Variants in NAA15 observed in about 807,000 individuals in gnomAD.
The protein encoded by NAA15 is N-alpha-acetyltransferase 15, NatA auxiliary subunit, also known as N-terminal acetyltransferase.
In NAA15, 34 loss-of-function variants were observed where a neutral mutation model predicts 114.0. That is an observed-to-expected ratio of 0.30 (90% CI 0.23 to 0.40). The LOEUF is 0.40. Among genes scored for constraint, NAA15 ranks in the 10% least tolerant of loss-of-function variants. The pLI, the probability that NAA15 is intolerant of heterozygous loss-of-function variation, is 1.00. For synonymous variants in NAA15, 340 were observed against 338.0 expected (o/e 1.01, Z -0.06); for missense variants, 658 against 1,004.5 (o/e 0.66, Z 4.66).
At chr4:139,342,227 T>C (rs1747426446) in intron 4 of NAA15, among the ~76,000 whole-genome samples, 1 of 152,196 alleles carries the variant, frequency 6.6e-6, no homozygotes, top group Non-Finnish European at 1.5e-5. Flanking sequence ...CTTTCCATCC[T>C]GCCTCTTTTC....
At chr4:139,345,401 G>A (rs1036588661) in intron 6 of NAA15, among the ~76,000 whole-genome samples, 6 of 152,152 alleles carry the variant, frequency 3.9e-5, no homozygotes, top group Admixed American at 6.6e-5. Context: ...ACAGAGTCAA[G>A]GCTTGGGCCT....
intron 6 of NAA15, among the ~76,000 whole-genome samples, chr4:139,346,015 C>T (rs79259302): frequency 0.062 from 9,496 of 151,936 alleles, 978 homozygotes; most frequent in African/African-American, 0.22. Flanking sequence ...AATGGGGTGC[C>T]GGTAGGTGAA....
chr4:139,336,872 C>T lies in NAA15; in HGVS notation c.164C>T (p.Thr55Ile). ...HGETLAMKGL[T>I]LNCLGKKEEA... ...GAAACCTTGGCTATGAAAGGATTAA[C>T]ATTGAACTGTTTGGGGAAAAAGGAA... Residue 55 changes from threonine to isoleucine, a missense_variant, in exon 3 of 20, where the codon ACA becomes ATA. Thr to Ile is a moderately conservative substitution (Grantham distance 89, BLOSUM62 -1). Around this residue, in one of 6 missense-constraint regions of NAA15, gnomAD observed 75 missense variants for 172.3 expected, o/e 0.44. Transcript: ENST00000296543. The T allele has an allele frequency of 6.3e-7, 1 of 1,592,052 alleles. No individual in the cohort carries two copies. Among genetic ancestry groups the T allele is most frequent in the Non-Finnish European group, 8.6e-7 (1 of 1,169,132 alleles).
At position 139,351,032 on chromosome 4, in the gene NAA15, G is replaced by C. The variant is rs1747763017; in HGVS notation, c.812-159G>C. 2.6e-5 allele frequency among the ~76,000 whole-genome samples: 4 copies of C among 152,096 alleles called. No homozygotes were observed. The South Asian group carries it at 8.3e-4, about 32-fold the overall frequency. ...AGATAAAAAAAATTGAAAAGAAATAGTCTAAAATAATTGTTGAAATAGTAG... is the reference window on the plus strand; with the variant it reads ...AGATAAAAAAAATTGAAAAGAAATACTCTAAAATAATTGTTGAAATAGTAG... On this transcript the variant is annotated intron_variant, in intron 7 of 19. Coordinates refer to ENST00000296543, the MANE Select transcript of NAA15 (RefSeq NM_057175.5).
chr4:139,341,610 A>AAAAAAAAAG (rs1747395698), intron 4 of NAA15, among the ~76,000 whole-genome samples: 1 of 149,306 alleles, frequency 6.7e-6, no homozygotes, highest in African/African-American at 2.5e-5. Flanking sequence ...AAAAAAAAAA[A>AAAAAAAAAG]AAAAAAAAAG....
chr4:139,385,003 C>T, intron 18 of NAA15, 25 bp downstream of exon 18: 1 of 1,456,930 alleles, frequency 6.9e-7, no homozygotes, highest in Non-Finnish European at 9.1e-7. Context: ...TTATCCTTAG[C>T]CTTCTAAAAC....
chr4:139,329,226 G>A (rs1294091435), intron 1 of NAA15, among the ~76,000 whole-genome samples: 1 of 151,598 alleles, frequency 6.6e-6, no homozygotes, highest in African/African-American at 2.4e-5. Flanking sequence ...TGTTTTTTTC[G>A]AATATATTTC....
chr4:139,388,256 C>CT lies in NAA15; in HGVS notation c.*173dup, dbSNP rs1394528589. 7.5e-6 allele frequency: 4 copies of CT among 536,366 alleles called. No individual in the cohort carries two copies. Among genetic ancestry groups the CT allele is most frequent in the Non-Finnish European group, 1.3e-5 (4 of 310,268 alleles). The allele number at this position is 536,366 out of a possible 1,614,324, so 33.2% of individuals were successfully genotyped here. On this transcript the variant is annotated 3_prime_UTR_variant, in exon 20 of 20. Coordinates refer to ENST00000296543, the MANE Select transcript of NAA15 (RefSeq NM_057175.5). ...TGCTGAAAAAGTATATATAAAATATCTAACATTACAGGATAGAGGTTCAGT... is the reference window on the plus strand; with the variant it reads ...TGCTGAAAAAGTATATATAAAATATCTTAACATTACAGGATAGAGGTTCAGT...
chr4:139,315,258 G>A (rs765986592), intron 1 of NAA15, among the ~76,000 whole-genome samples: 2 of 151,920 alleles, frequency 1.3e-5, no homozygotes, highest in South Asian at 2.1e-4. Flanking sequence ...GATGGCTCAC[G>A]CCTGTAATCT....
At position 139,320,312 on chromosome 4, in the gene NAA15, A is replaced by G. The variant is rs541456291; in HGVS notation, c.55-13862A>G. 2.0e-5 allele frequency among the ~76,000 whole-genome samples: 3 copies of G among 152,244 alleles called. No individual in the cohort carries two copies. In the East Asian group the frequency reaches 5.8e-4, roughly 29 times the overall value. On this transcript the variant is annotated intron_variant, in intron 1 of 19. Transcript: ENST00000296543. ...TTGCAGTCCTATTTGGGTCTATTCC[A>G]TGTATGTGCCACTTCATAGCCAGTC...
At chr4:139,303,690 G>A (rs1745893125) in intron 1 of NAA15, among the ~76,000 whole-genome samples, 1 of 152,126 alleles carries the variant, frequency 6.6e-6, no homozygotes, top group Non-Finnish European at 1.5e-5. Flanking sequence ...CCAGCTACTA[G>A]GGTGGCTGAG....
chr4:139,319,575 A>G (rs998643392), intron 1 of NAA15, among the ~76,000 whole-genome samples: 1 of 151,996 alleles, frequency 6.6e-6, no homozygotes, highest in Non-Finnish European at 1.5e-5. Flanking sequence ...GGCTGGGATT[A>G]CAGGTGTACA....
intron 1 of NAA15, among the ~76,000 whole-genome samples, chr4:139,307,659 CAT>C (rs1420577033): frequency 3.3e-5 from 5 of 152,314 alleles, no homozygotes; most frequent in South Asian, 2.1e-4. Flanking sequence ...CAAATAGTCA[CAT>C]GTGGTGAATG....
intron 1 of NAA15, among the ~76,000 whole-genome samples, chr4:139,331,830 C>G (rs978011934): frequency 1.3e-5 from 2 of 151,934 alleles, no homozygotes; most frequent in African/African-American, 4.8e-5. Context: ...ATATATTGTT[C>G]AGTATTGAGC....
At chr4:139,339,488 C>T (rs1470679557) in intron 3 of NAA15, among the ~76,000 whole-genome samples, 1 of 151,994 alleles carries the variant, frequency 6.6e-6, no homozygotes, top group Non-Finnish European at 1.5e-5. Flanking sequence ...TAGAGCGAGA[C>T]CATCTCTTTT....
At chr4:139,356,502 A>G (rs942419269) in intron 10 of NAA15, 1 of 152,116 alleles carries the variant, frequency 6.6e-6, no homozygotes, top group African/African-American at 2.4e-5. Context: ...TTTCCTACAT[A>G]TTTTACAAAT....
chr4:139,355,023 G>A (rs1041103105), intron 10 of NAA15, among the ~76,000 whole-genome samples: 1 of 152,110 alleles, frequency 6.6e-6, no homozygotes, highest in African/African-American at 2.4e-5. Flanking sequence ...ACAGGTGCCT[G>A]CCACCACGCC....
At position 139,351,618 on chromosome 4, in the gene NAA15, TGAA is replaced by T; in HGVS notation, c.1014+8_1014+10del. The T allele has an allele frequency of 7.5e-7, 1 of 1,330,120 alleles. No homozygotes were observed. Among genetic ancestry groups the T allele is most frequent in the Non-Finnish European group, 1.1e-6 (1 of 928,422 alleles). The allele number at this position is 1,330,120 out of a possible 1,614,324, so 82.4% of individuals were successfully genotyped here. ...ATACAAAGACAAAGAAAAGGTAAAGTGAAATATGATACTTTCTTTTGGCTACCA... is the reference window on the plus strand; with the variant it reads ...ATACAAAGACAAAGAAAAGGTAAAGTATATGATACTTTCTTTTGGCTACCA... On this transcript the variant is annotated splice_region_variant and intron_variant, in intron 9 of 19. Transcript: ENST00000296543.
intron 10 of NAA15, 60 bp from the exon 11 acceptor site, chr4:139,357,325 TG>T: frequency 3.4e-6 from 5 of 1,454,658 alleles, no homozygotes; most frequent in South Asian, 2.3e-5. Flanking sequence ...GGGACCATTT[TG>T]GGGGGTGCTC....
Sources: gnomAD v4.1 joint callset for allele counts (sites outside exome capture counted in the v4.1 genomes callset) on GRCh38, gnomAD v4.1.1 for gene constraint, gnomAD v4.1.1 regional missense constraint, MANE v1.5 for transcripts, NCBI Gene and HGNC (gene_info 2026-07-23, HGNC 2026-07-21) for gene names.